Variants in MRPL22 observed in about 807,000 individuals in gnomAD.
The protein encoded by MRPL22 is large ribosomal subunit protein uL22m.
In MRPL22, 27 loss-of-function variants were observed where a neutral mutation model predicts 32.4. The observed-to-expected ratio is 0.83, with a 90% CI of 0.61 to 1.15. The LOEUF (loss-of-function observed/expected upper bound fraction) is 1.15. Ranked by LOEUF, MRPL22 falls within the 50% of genes most tolerant of loss-of-function variation. The pLI is 0.00. For synonymous variants in MRPL22, 86 were observed against 87.3 expected, an observed-to-expected ratio of 0.99 and a Z score of 0.08; for missense variants, 239 against 260.2, an observed-to-expected ratio of 0.92 and a Z score of 0.56.
At chr5:154,960,912 A>G (rs1278103425) in intron 6 of MRPL22, among the ~76,000 whole-genome samples, 1 of 152,256 alleles carries the variant, frequency 6.6e-6, no homozygotes, top group Non-Finnish European at 1.5e-5. Context: ...ATACCAACAT[A>G]TAAAGATTAT....
intron 6 of MRPL22, 145 bp from the exon 7 acceptor site, chr5:154,966,541 A>G: frequency 4.1e-6 from 3 of 732,622 alleles, no homozygotes; most frequent in Non-Finnish European, 6.8e-6. Flanking sequence ...TTCAGGAGAT[A>G]GTTGTTTTGA....
chr5:154,957,263 G>A (rs377660873), intron 5 of MRPL22, 51 bp downstream of exon 5: 7 of 1,455,624 alleles, frequency 4.8e-6, no homozygotes, highest in Non-Finnish European at 5.8e-6. Context: ...GGGGAATGCA[G>A]CTGTCTTGCA....
chr5:154,952,444 C>G (rs1174372052), intron 3 of MRPL22, among the ~76,000 whole-genome samples: 1 of 152,042 alleles, frequency 6.6e-6, no homozygotes, highest in Non-Finnish European at 1.5e-5. Flanking sequence ...TTTTTTGTAT[C>G]ATTTATCCTT....
At chr5:154,966,557 G>T in intron 6 of MRPL22, 129 bp from the exon 7 acceptor site, 1 of 890,822 alleles carries the variant, frequency 1.1e-6, no homozygotes, top group Non-Finnish European at 1.7e-6. Context: ...TTTGAGACAA[G>T]CCTGCTCTAG....
chr5:154,941,524 A>C (rs992910544), intron 2 of MRPL22, among the ~76,000 whole-genome samples: 1 of 152,228 alleles, frequency 6.6e-6, no homozygotes, highest in African/African-American at 2.4e-5. Flanking sequence ...TTTCTGGACA[A>C]GGTTAGACTA....
In MRPL22 at chr5:154,941,108, A is replaced by G. The variant is rs376827256; in HGVS notation, c.-3A>G. Reference sequence around the variant, plus strand: ...GGCGGCTTCCGTAGCGGGAGGGCGAAAGATGGCGGCGGCAGTACTGGGACA... The same window carrying G: ...GGCGGCTTCCGTAGCGGGAGGGCGAGAGATGGCGGCGGCAGTACTGGGACA... On this transcript the variant is annotated 5_prime_UTR_variant, in exon 1 of 7. Coordinates refer to ENST00000523037, the MANE Select transcript of MRPL22 (RefSeq NM_014180.4). The G allele has an allele frequency of 2.2e-5, 35 of 1,613,708 alleles. No individual in the cohort carries two copies. The African/African-American group carries it at 4.1e-4, about 19-fold the overall frequency.
intron 2 of MRPL22, among the ~76,000 whole-genome samples, chr5:154,944,738 T>C (rs757657250): frequency 2.0e-5 from 3 of 152,192 alleles, no homozygotes; most frequent in Non-Finnish European, 4.4e-5. Context: ...GAAGTATGTG[T>C]GTTTGAGAGA....
intron 6 of MRPL22, among the ~76,000 whole-genome samples, chr5:154,960,966 C>T (rs542629716): frequency 4.6e-4 from 70 of 152,250 alleles, no homozygotes; most frequent in African/African-American, 1.6e-3. Flanking sequence ...GGAACATCTA[C>T]TCTCCAGATG....
intron 2 of MRPL22, 53 bp from the exon 3 acceptor site, chr5:154,950,768 A>G (rs1764549375): frequency 2.6e-6 from 3 of 1,158,916 alleles, no homozygotes; most frequent in Admixed American, 3.5e-5. Context: ...TGTAAACTCT[A>G]CAGAAAGGTC....
At chr5:154,962,030 C>CT (rs1397289597) in intron 6 of MRPL22, among the ~76,000 whole-genome samples, 1 of 152,214 alleles carries the variant, frequency 6.6e-6, no homozygotes, top group Non-Finnish European at 1.5e-5. Flanking sequence ...TGAAAAATCT[C>CT]TGCCTTACCT....
rs369056344 is a variant in MRPL22, at chr5:154,941,110, G to A, written c.-1G>A. The A allele has an allele frequency of 5.5e-5, 89 of 1,613,798 alleles. No homozygotes were observed. The highest frequency in any genetic ancestry group is 1.7e-4 in the Middle Eastern group (1 of 5,824). ...CGGCTTCCGTAGCGGGAGGGCGAAA[G>A]ATGGCGGCGGCAGTACTGGGACAGT... On this transcript the variant is annotated 5_prime_UTR_variant, in exon 1 of 7. Coordinates refer to ENST00000523037, the MANE Select transcript of MRPL22 (RefSeq NM_014180.4).
intron 6 of MRPL22, among the ~76,000 whole-genome samples, chr5:154,964,023 T>C (rs2113547135): frequency 6.6e-6 from 1 of 152,146 alleles, no homozygotes; most frequent in East Asian, 1.9e-4. Flanking sequence ...GTAGATAAAA[T>C]GGGAAGGGTA....
At chr5:154,955,195 CTT>C (rs1764615994) in intron 3 of MRPL22, 1 of 152,170 alleles carries the variant, frequency 6.6e-6, no homozygotes, top group Non-Finnish European at 1.5e-5. Flanking sequence ...CCCCAAGAAA[CTT>C]TATTGCTGAA....
At chr5:154,944,624 T>G (rs1764464081) in intron 2 of MRPL22, among the ~76,000 whole-genome samples, 1 of 152,052 alleles carries the variant, frequency 6.6e-6, no homozygotes, top group South Asian at 2.1e-4. Context: ...CATTGTGGGG[T>G]GTACAATATA....
At chr5:154,966,580 C>G in intron 6 of MRPL22, 106 bp from the exon 7 acceptor site, 1 of 1,164,416 alleles carries the variant, frequency 8.6e-7, no homozygotes. Flanking sequence ...AACCAGTGAG[C>G]CCATGTAATC....
At position 154,968,397 on chromosome 5, in the gene MRPL22, A is replaced by C. The variant is rs923166092; in HGVS notation, c.*1500A>C. On this transcript the variant is annotated 3_prime_UTR_variant, in exon 7 of 7. Transcript: ENST00000523037. ...AGGTAACCTTCATTCTAGTCTGTGC[A>C]TTCTCATTAGCCAGAAAGAAGACTG... 1 of 152,236 alleles carries C rather than the reference A, an allele frequency of 6.6e-6. No individual in the cohort carries two copies. The highest frequency in any genetic ancestry group is 2.4e-5 in the African/African-American group (1 of 41,458). 9.4% of individuals were successfully genotyped at this position (152,236 alleles called of 1,614,324 possible). A position where few individuals can be genotyped will look rare whatever the true frequency, so the allele number is the denominator to read the frequency against.
Position 154,966,666 on chromosome 5 carries a change from C to T in MRPL22, c.410-20C>T, listed in dbSNP as rs1346058946. On this transcript the variant is annotated intron_variant, in intron 6 of 6. Transcript: ENST00000523037. ...TGGATAACACTCATTTCCTGTAATT[C>T]TCTTTTTCTTCCTGTTTAGCTGAGT... 1 of 1,611,694 alleles carries T rather than the reference C, an allele frequency of 6.2e-7. No individual in the cohort carries two copies. The highest frequency in any genetic ancestry group is 1.3e-5 in the African/African-American group (1 of 74,866).
chr5:154,944,408 A>G lies in MRPL22; in HGVS notation c.77+3143A>G, dbSNP rs76295705. Among the ~76,000 whole-genome samples the G allele has an allele frequency of 9.3e-3, 1,411 of 152,232 alleles. 6 individuals carry two copies. The highest frequency in any genetic ancestry group is 0.014 in the Non-Finnish European group (939 of 68,004). On this transcript the variant is annotated intron_variant, in intron 2 of 6. Coordinates refer to ENST00000523037, the MANE Select transcript of MRPL22 (RefSeq NM_014180.4). ...CAAGCCTGTCTGTACCACCCTTTAG[A>G]TGGGGGCATATCCTCTTAAGCTTTC... is the stretch of plus-strand genomic sequence containing the variant.
Position 154,957,211 on chromosome 5 carries a change from A to C in MRPL22, c.338A>C (p.Glu113Ala). ...AAAAAAGGGGCCAAAATAATTAAAG[A>C]GGTAAACTTACAAGTTTGGGTGTGG... ...NDKKGAKIIKEVLLEAQDMAV... is the reference protein window; with the variant it reads ...NDKKGAKIIKAVLLEAQDMAV... Residue 113 changes from glutamate to alanine, a missense_variant and splice_region_variant, in exon 5 of 7, where the codon GAG (glutamate) becomes GCG (alanine). Glu to Ala is a moderately radical substitution (Grantham distance 107). Transcript: ENST00000523037. 3 of 1,611,970 alleles carry C rather than the reference A, an allele frequency of 1.9e-6. No individual in the cohort carries two copies. Among genetic ancestry groups the C allele is most frequent in the Non-Finnish European group, 2.5e-6 (3 of 1,178,082 alleles).
Sources: gnomAD v4.1 joint callset for allele counts (sites outside exome capture counted in the v4.1 genomes callset) on GRCh38, gnomAD v4.1.1 for gene constraint, MANE v1.5 for transcripts, NCBI Gene and HGNC (gene_info 2026-07-23, HGNC 2026-07-21) for gene names.